NIPBL: variants seen among roughly 807,000 people sequenced by gnomAD.
NIPBL encodes the protein NIPBL cohesin loading factor, also known as nipped-B-like protein.
In NIPBL, 19 loss-of-function variants were observed where a neutral mutation model predicts 321.8. The ratio of observed to expected loss-of-function variants is 0.06; its 90% CI spans 0.04 to 0.09. The LOEUF (loss-of-function observed/expected upper bound fraction) is 0.09, where lower values mean the gene tolerates loss of function less well. NIPBL is among the 10% of genes least tolerant of loss of function. The pLI is 1.00. For missense variants in NIPBL, 2,210 were observed against 3,327.0 expected, an observed-to-expected ratio of 0.66 and a Z score of 8.26; for synonymous variants, 1,106 against 1,114.1, an observed-to-expected ratio of 0.99 and a Z score of 0.14.
At chr5:37,023,046 A>G (rs1749830995) in intron 29 of NIPBL, among the ~76,000 whole-genome samples, 3 of 152,252 alleles carry the variant, frequency 2.0e-5, no homozygotes, top group Non-Finnish European at 4.4e-5. Flanking sequence ...AGAACTCAAC[A>G]TAGATGCACT....
At chr5:36,930,463 T>G (rs1749696338) in intron 1 of NIPBL, among the ~76,000 whole-genome samples, 1 of 152,060 alleles carries the variant, frequency 6.6e-6, no homozygotes, top group East Asian at 1.9e-4. Context: ...TTTCTTAGGA[T>G]TTTCTACATA....
chr5:36,913,067 G>C (rs1748173957), intron 1 of NIPBL, among the ~76,000 whole-genome samples: 1 of 152,140 alleles, frequency 6.6e-6, no homozygotes, highest in Non-Finnish European at 1.5e-5. Flanking sequence ...GACTAAAAGA[G>C]ACGTGATAAC....
chr5:36,989,414 G>T (rs1324190092), intron 10 of NIPBL, among the ~76,000 whole-genome samples: 1 of 152,086 alleles, frequency 6.6e-6, no homozygotes, highest in South Asian at 2.1e-4. Context: ...GTAACTGTTT[G>T]TAGAATTCTT....
intron 1 of NIPBL, among the ~76,000 whole-genome samples, chr5:36,951,438 G>T (rs1247307144): frequency 6.6e-6 from 1 of 152,152 alleles, no homozygotes; most frequent in African/African-American, 2.4e-5. Flanking sequence ...ACAACAGTGA[G>T]TTGTATATGA....
chr5:36,980,340 A>T (rs1743996490), intron 9 of NIPBL, among the ~76,000 whole-genome samples: 1 of 151,716 alleles, frequency 6.6e-6, no homozygotes, highest in South Asian at 2.1e-4. Flanking sequence ...TAACCTGAGG[A>T]TTAAAGTAGG....
chr5:36,885,390 G>A (rs1745817600), intron 1 of NIPBL: 1 of 453,806 alleles, frequency 2.2e-6, no homozygotes, highest in Non-Finnish European at 4.3e-6. Context: ...GGGTCCAGGG[G>A]CCTGGCCAAG....
chr5:36,951,779 C>A (rs990142075), intron 1 of NIPBL, among the ~76,000 whole-genome samples: 4 of 152,012 alleles, frequency 2.6e-5, no homozygotes, highest in Non-Finnish European at 5.9e-5. Context: ...ATTTCCTGTG[C>A]CTTTTCCTTT....
intron 12 of NIPBL, 115 bp from the exon 13 acceptor site, chr5:37,000,702 A>C (rs984526639): frequency 2.4e-6 from 3 of 1,252,434 alleles, no homozygotes; most frequent in Non-Finnish European, 3.4e-6. Flanking sequence ...CTTAGTTTCT[A>C]TGTGCAGTGA....
At chr5:37,046,034 A>G (rs548856882) in intron 37 of NIPBL, 75 bp from the exon 38 acceptor site, 23 of 784,020 alleles carry the variant, frequency 2.9e-5, no homozygotes, top group Admixed American at 2.7e-4. Flanking sequence ...GTTTTAAGGT[A>G]TTTTTTTCCT....
At chr5:36,895,423 T>C (rs1316819688) in intron 1 of NIPBL, among the ~76,000 whole-genome samples, 1 of 152,260 alleles carries the variant, frequency 6.6e-6, no homozygotes, top group Admixed American at 6.5e-5. Flanking sequence ...AATGCTGTTA[T>C]AAGCATTCAT....
intron 23 of NIPBL, among the ~76,000 whole-genome samples, chr5:37,016,565 G>A (rs757338698): frequency 2.0e-5 from 3 of 152,104 alleles, no homozygotes; most frequent in African/African-American, 4.8e-5. Context: ...AACACAGTAG[G>A]TAAATGCAAA....
At chr5:37,012,480 T>G (rs1455128932) in intron 21 of NIPBL, among the ~76,000 whole-genome samples, 1 of 149,018 alleles carries the variant, frequency 6.7e-6, no homozygotes, top group African/African-American at 2.5e-5. Flanking sequence ...TTTTTTTTTT[T>G]TATTCATTCT....
intron 3 of NIPBL, among the ~76,000 whole-genome samples, chr5:36,956,341 C>T (rs1476348688): frequency 5.9e-5 from 9 of 152,094 alleles, no homozygotes. Flanking sequence ...TTCCACCACA[C>T]AATGTTACTC....
intron 36 of NIPBL, among the ~76,000 whole-genome samples, chr5:37,044,979 T>C (rs1468357081): frequency 6.6e-6 from 1 of 152,180 alleles, no homozygotes; most frequent in Non-Finnish European, 1.5e-5. Context: ...AAAAGTAAAA[T>C]TTAAATTTTC....
chr5:37,062,213 C>T (rs929235983), intron 45 of NIPBL, among the ~76,000 whole-genome samples: 5 of 152,102 alleles, frequency 3.3e-5, no homozygotes, highest in African/African-American at 4.8e-5. Flanking sequence ...GTGCGGAATC[C>T]GGGGATACAG....
At chr5:36,908,719 G>A (rs932958190) in intron 1 of NIPBL, among the ~76,000 whole-genome samples, 1 of 152,160 alleles carries the variant, frequency 6.6e-6, no homozygotes, top group African/African-American at 2.4e-5. Flanking sequence ...CACAGCCACT[G>A]CCAAACATGT....
In NIPBL at chr5:36,962,246, T is replaced by C. The variant is rs1741704676; in HGVS notation, c.582T>C (p.Ser194=). The part of the protein sequence containing the change: ...AGYMPYSHPS[S]YTTHPQMQQA... ...ACATGCCATATTCCCATCCTTCAAGTTACACAACACATCCACAGATGCAAC... is the reference window on the plus strand; with the variant it reads ...ACATGCCATATTCCCATCCTTCAAGCTACACAACACATCCACAGATGCAAC... Residue 194 remains serine, a synonymous_variant, in exon 6 of 47, where the codon AGT becomes AGC. Coordinates refer to ENST00000282516, the MANE Select transcript of NIPBL (RefSeq NM_133433.4). The C allele has an allele frequency of 6.2e-7, 1 of 1,614,088 alleles. No individual in the cohort carries two copies. Among genetic ancestry groups the C allele is most frequent in the Non-Finnish European group, 8.5e-7 (1 of 1,179,960 alleles).
intron 28 of NIPBL, 33 bp downstream of exon 28, chr5:37,022,182 T>G: frequency 6.2e-7 from 1 of 1,613,330 alleles, no homozygotes; most frequent in Non-Finnish European, 8.5e-7. Context: ...TCTTTTCTAC[T>G]CGAATTGGAA....
intron 1 of NIPBL, among the ~76,000 whole-genome samples, chr5:36,883,218 A>G (rs188978479): frequency 6.6e-6 from 1 of 151,990 alleles, no homozygotes; most frequent in Non-Finnish European, 1.5e-5. Context: ...TAATTCATGT[A>G]GGTAAATTGC....
Sources: gnomAD v4.1 joint callset for allele counts (sites outside exome capture counted in the v4.1 genomes callset) on GRCh38, gnomAD v4.1.1 for gene constraint, MANE v1.5 for transcripts, NCBI Gene and HGNC (gene_info 2026-07-23, HGNC 2026-07-21) for gene names.